Variants in FRMD6 observed in about 807,000 individuals in gnomAD.
FRMD6 encodes FERM domain-containing protein 6.
Under a neutral mutation model 73.2 loss-of-function variants are expected in FRMD6, and 37 were observed. That is an observed-to-expected ratio of 0.51 (90% confidence interval 0.39 to 0.66). The LOEUF is 0.66. Among genes scored for constraint, FRMD6 ranks in the 30% least tolerant of loss-of-function variants. FRMD6 has a pLI of 0.00. For synonymous variants in FRMD6, 273 were observed against 282.2 expected, an observed-to-expected ratio of 0.97 and a Z score of 0.33; for missense variants, 714 against 780.5, an observed-to-expected ratio of 0.91 and a Z score of 1.02.
rs531150452 is a variant in FRMD6, at chr14:51,512,629, G to C, written c.-210+23209G>C. On this transcript the variant is annotated intron_variant, in intron 1 of 14. Coordinates refer to the FRMD6 transcript ENST00000356218. ...ATGTTTCTTTCTCTTTTTTTTTTTT[G>C]TGGGGGATGGATAAAAAGAACTAAA... Among the ~76,000 whole-genome samples the C allele has an allele frequency of 4.5e-3, 664 of 146,678 alleles. 2 individuals are homozygous for C. The highest frequency in any genetic ancestry group is 0.016 in the African/African-American group (641 of 39,806).
intron 1 of FRMD6, among the ~76,000 whole-genome samples, chr14:51,676,814 C>T (rs1405638332): frequency 1.3e-5 from 2 of 152,102 alleles, no homozygotes; most frequent in African/African-American, 4.8e-5. Context: ...GTCATCCTAC[C>T]TCCAGCCTCC....
At chr14:51,669,397 T>A (rs1302294398) in intron 1 of FRMD6, among the ~76,000 whole-genome samples, 2 of 152,182 alleles carry the variant, frequency 1.3e-5, no homozygotes, top group Non-Finnish European at 2.9e-5. Flanking sequence ...CATTTCTGAG[T>A]TGTATAGTAA....
At chr14:51,698,644 A>G (rs1265818417) in intron 3 of FRMD6, among the ~76,000 whole-genome samples, 1 of 152,050 alleles carries the variant, frequency 6.6e-6, no homozygotes, top group Non-Finnish European at 1.5e-5. Context: ...TTATCTTGCT[A>G]TTAACTATAT....
rs1222621156 is a variant in FRMD6, at chr14:51,670,706, C to T, written c.-147+18710C>T. Among the ~76,000 whole-genome samples the T allele has an allele frequency of 8.6e-5, 13 of 150,650 alleles. No homozygotes were observed. In the East Asian group the frequency reaches 1.6e-3, roughly 18 times the overall value. ...TGTCACCTAGGCTGGAGTGCAGTGG[C>T]GCAGTCTTGGCTCACTGCAACCTCC... On this transcript the variant is annotated intron_variant, in intron 1 of 13. Transcript: ENST00000344768.
At chr14:51,506,787 C>T (rs1883987470) in intron 1 of FRMD6, among the ~76,000 whole-genome samples, 1 of 152,084 alleles carries the variant, frequency 6.6e-6, no homozygotes, top group African/African-American at 2.4e-5. Flanking sequence ...TAACTACAGG[C>T]AGTTGACTAA....
rs1348750177 is a variant in FRMD6, at chr14:51,603,691, G to A, written c.-147+33281G>A. On this transcript the variant is annotated intron_variant, in intron 2 of 14. Coordinates refer to the FRMD6 transcript ENST00000356218. ...TCACTGGGGTTGAGAAACCAAGACTGCCAGTCACTAGTTACGTAACCTGGA... is the reference window on the plus strand; with the variant it reads ...TCACTGGGGTTGAGAAACCAAGACTACCAGTCACTAGTTACGTAACCTGGA... Among the ~76,000 whole-genome samples the A allele has an allele frequency of 5.3e-5, 8 of 152,132 alleles. No homozygotes were observed. In the East Asian group the frequency reaches 1.2e-3, roughly 22 times the overall value.
the FRMD6 span, among the ~76,000 whole-genome samples, chr14:51,449,550 C>T: frequency 6.6e-6 from 1 of 152,144 alleles, no homozygotes; most frequent in African/African-American, 2.4e-5. Context: ...CAGCAGGAGG[C>T]CCTGGAGTCC....
chr14:51,624,808 G>A (rs1042515877), intron 2 of FRMD6, among the ~76,000 whole-genome samples: 3 of 152,130 alleles, frequency 2.0e-5, no homozygotes, highest in Admixed American at 6.5e-5. Flanking sequence ...AGTAAAATGA[G>A]TTTTCTTAAG....
intron 1 of FRMD6, among the ~76,000 whole-genome samples, chr14:51,672,032 T>A (rs1257468141): frequency 6.6e-6 from 1 of 152,150 alleles, no homozygotes; most frequent in Non-Finnish European, 1.5e-5. Context: ...TTTAAAGAAA[T>A]GGGATTAAGA....
chr14:51,545,091 T>A (rs995438116), intron 1 of FRMD6, among the ~76,000 whole-genome samples: 10 of 152,116 alleles, frequency 6.6e-5, no homozygotes, highest in Admixed American at 4.6e-4. Flanking sequence ...GCCCCATCCT[T>A]TTTATCATTC....
At chr14:51,431,462 C>T in the FRMD6 span, among the ~76,000 whole-genome samples, 2 of 152,196 alleles carry the variant, frequency 1.3e-5, no homozygotes, top group African/African-American at 4.8e-5. Context: ...AAGTTTGAAA[C>T]ATTTTTGTTT....
At chr14:51,628,298 A>AACCC (rs1891191054) in intron 2 of FRMD6, among the ~76,000 whole-genome samples, 1 of 152,202 alleles carries the variant, frequency 6.6e-6, no homozygotes, top group South Asian at 2.1e-4. Flanking sequence ...ATTCTTTAAC[A>AACCC]ACTTGAGGTA....
chr14:51,477,731 CT>C, the FRMD6 span, among the ~76,000 whole-genome samples: 15 of 91,788 alleles, frequency 1.6e-4, no homozygotes, highest in Admixed American at 5.8e-4. Context: ...TCTTTCTTTT[CT>C]TTTTCTTTTT....
At chr14:51,540,975 T>C (rs1042674325) in intron 1 of FRMD6, among the ~76,000 whole-genome samples, 3 of 152,136 alleles carry the variant, frequency 2.0e-5, no homozygotes, top group African/African-American at 7.2e-5. Flanking sequence ...GTAAACACCA[T>C]GCAAGAAGTA....
the FRMD6 span, chr14:51,436,121 G>A: frequency 4.3e-6 from 1 of 233,904 alleles, no homozygotes; most frequent in Non-Finnish European, 8.3e-6. Context: ...AGAAGACATT[G>A]ACTTCTGCAG....
chr14:51,716,280 T>G (rs1353664203), intron 10 of FRMD6, among the ~76,000 whole-genome samples: 2 of 152,082 alleles, frequency 1.3e-5, no homozygotes, highest in Non-Finnish European at 2.9e-5. Context: ...AACTGCTACA[T>G]TACGTATTTG....
chr14:51,430,284 T>G, the FRMD6 span, among the ~76,000 whole-genome samples: 1 of 152,178 alleles, frequency 6.6e-6, no homozygotes, highest in Non-Finnish European at 1.5e-5. Flanking sequence ...AAAGAGTTCT[T>G]TGTGTGTAAA....
chr14:51,668,329 A>G (rs1893749098), intron 1 of FRMD6, among the ~76,000 whole-genome samples: 1 of 152,174 alleles, frequency 6.6e-6, no homozygotes, highest in Non-Finnish European at 1.5e-5. Flanking sequence ...ATTTATTGAG[A>G]CAGAATCTAC....
chr14:51,614,129 A>G (rs1234034188), intron 2 of FRMD6, among the ~76,000 whole-genome samples: 2 of 152,170 alleles, frequency 1.3e-5, no homozygotes, highest in African/African-American at 4.8e-5. Flanking sequence ...AAAATGTTCA[A>G]GAATTCTGGG....
Sources: allele counts gnomAD v4.1 joint callset (sites outside exome capture counted in the v4.1 genomes callset), GRCh38; gene constraint gnomAD v4.1.1; transcripts MANE v1.5; gene names NCBI Gene and HGNC (gene_info 2026-07-23, HGNC 2026-07-21).